Variants in IMPG1 observed in about 807,000 individuals in gnomAD.
IMPG1 encodes interphotoreceptor matrix proteoglycan of 150 kDa.
In IMPG1, 85 loss-of-function variants were observed where a neutral mutation model predicts 92.0. The observed-to-expected ratio is 0.92, with a 90% CI of 0.78 to 1.11. The LOEUF (loss-of-function observed/expected upper bound fraction) is 1.11. Ranked by LOEUF, IMPG1 falls within the 50% of genes least tolerant of loss-of-function variation. The probability of loss-of-function intolerance (pLI) is 0.00; values close to 1 mark genes in which losing one functional copy is unlikely to be tolerated. For missense variants in IMPG1, 1,022 were observed against 956.0 expected (o/e 1.07, Z -0.91); for synonymous variants, 367 against 334.1 (o/e 1.10, Z -1.08).
intron 12 of IMPG1, among the ~76,000 whole-genome samples, chr6:75,978,211 A>G (rs1242186891): frequency 6.6e-6 from 1 of 150,582 alleles, no homozygotes; most frequent in Non-Finnish European, 1.5e-5. Context: ...ATACTCGAAA[A>G]CCTTTCTTTG....
intron 8 of IMPG1, among the ~76,000 whole-genome samples, chr6:76,009,005 C>T (rs1014854056): frequency 6.6e-6 from 1 of 152,132 alleles, no homozygotes; most frequent in Non-Finnish European, 1.5e-5. Context: ...TTTCACTCAA[C>T]GAAGTTATTT....
chr6:75,974,392 T>TTTCTTTCTTTCTTTC (rs1554230326), intron 12 of IMPG1, among the ~76,000 whole-genome samples: 1 of 59,524 alleles, frequency 1.7e-5, no homozygotes, highest in Non-Finnish European at 3.4e-5. Flanking sequence ...TCTTTCTTTC[T>TTTCTTTCTTTCTTTC]TTTCTTTCTT....
chr6:76,022,127 T>C lies in IMPG1; in HGVS notation c.655A>G (p.Met219Val), dbSNP rs1368842652. 6.3e-7 allele frequency: 1 copy of C among 1,576,914 alleles called. No individual in the cohort carries two copies. Among genetic ancestry groups the C allele is most frequent in the East Asian group, 2.3e-5 (1 of 43,676 alleles). ...TAGGAACTTCTTACTGTTGTAGGCA[T>C]CTTGGTGTCGTTGAGTGTATTATCG... ...ILDNTLNDTK[M>V]PTTERETEFA... The change falls in exon 6 of 17, where the codon ATG (methionine) becomes GTG (valine). Residue 219 changes from methionine (M) to valine (V), a missense_variant. By Grantham distance (21) the Met-to-Val change is conservative. Around this residue, in one of 3 missense-constraint regions of IMPG1, gnomAD observed 681 missense variants for 583.6 expected, o/e 1.17. Coordinates refer to ENST00000369950, the MANE Select transcript of IMPG1 (RefSeq NM_001563.4).
chr6:75,948,312 T>C (rs908579167), intron 13 of IMPG1, among the ~76,000 whole-genome samples: 1 of 152,200 alleles, frequency 6.6e-6, no homozygotes, highest in Non-Finnish European at 1.5e-5. Flanking sequence ...TAGAGATCAT[T>C]TTTCAGAAAT....
Position 75,980,975 on chromosome 6 carries a change from C to G in IMPG1, c.1291+21943G>C, listed in dbSNP as rs551155338. ...CCAGAAGTCAGTGTTTTAAGAAGCC[C>G]TCTGGGGGATTCTGATTCATGGAAG... On this transcript the variant is annotated intron_variant, in intron 12 of 16. Transcript: ENST00000369950. Among the ~76,000 whole-genome samples, 18 of 152,246 alleles carry G rather than the reference C, an allele frequency of 1.2e-4. No individual in the cohort carries two copies. In the South Asian group the frequency reaches 1.9e-3, roughly 16 times the overall value.
intron 2 of IMPG1, among the ~76,000 whole-genome samples, chr6:76,035,292 C>T (rs1783721518): frequency 6.6e-6 from 1 of 151,868 alleles, no homozygotes; most frequent in South Asian, 2.1e-4. Flanking sequence ...CACCTGAGGT[C>T]AGGAGTTCAA....
At chr6:76,022,512 C>G (rs1017701285) in intron 5 of IMPG1, among the ~76,000 whole-genome samples, 1 of 152,108 alleles carries the variant, frequency 6.6e-6, no homozygotes, top group African/African-American at 2.4e-5. Flanking sequence ...CTTAATGACA[C>G]TATATAAAGG....
chr6:76,035,705 TCTCTCTAAAGACACAC>T (rs1338618302), intron 2 of IMPG1, among the ~76,000 whole-genome samples: 1 of 152,096 alleles, frequency 6.6e-6, no homozygotes, highest in Non-Finnish European at 1.5e-5. Context: ...CTAAAATTGG[TCTCTCTAAAGACACAC>T]CTCTTTGTTA....
chr6:75,947,586 T>C, intron 13 of IMPG1, 53 bp from the exon 14 acceptor site: 2 of 1,218,366 alleles, frequency 1.6e-6, no homozygotes, highest in Non-Finnish European at 2.4e-6. Context: ...GCTCAGCTGC[T>C]GCTAATTCCA....
chr6:76,030,105 AG>A (rs1191593784), intron 4 of IMPG1, among the ~76,000 whole-genome samples: 1 of 152,180 alleles, frequency 6.6e-6, no homozygotes, highest in Non-Finnish European at 1.5e-5. Context: ...TCATGGATAA[AG>A]GGCATGTTAA....
intron 12 of IMPG1, among the ~76,000 whole-genome samples, chr6:75,966,233 A>T (rs575747134): frequency 2.0e-5 from 3 of 152,280 alleles, no homozygotes; most frequent in Admixed American, 2.0e-4. Context: ...AATCTACTTG[A>T]ATTTTTAAAT....
chr6:75,997,257 G>A (rs892175446), intron 12 of IMPG1, among the ~76,000 whole-genome samples: 9 of 152,150 alleles, frequency 5.9e-5, no homozygotes, highest in Non-Finnish European at 1.3e-4. Flanking sequence ...CTTCTGTTAG[G>A]AAAACCTTGC....
intron 4 of IMPG1, among the ~76,000 whole-genome samples, chr6:76,031,681 G>A (rs1374137368): frequency 6.6e-6 from 1 of 152,064 alleles, no homozygotes. Context: ...TAGACAGTTT[G>A]TTTTTTACTT....
intron 12 of IMPG1, among the ~76,000 whole-genome samples, chr6:75,974,367 C>CTTTCTTTA (rs1782482189): frequency 1.1e-5 from 1 of 92,278 alleles, no homozygotes; most frequent in Non-Finnish European, 2.3e-5. Flanking sequence ...TTCTTTCTTT[C>CTTTCTTTA]TTTCTTTCTT....
intron 1 of IMPG1, among the ~76,000 whole-genome samples, chr6:76,053,706 T>C (rs922216973): frequency 2.6e-5 from 4 of 152,148 alleles, no homozygotes; most frequent in Non-Finnish European, 4.4e-5. Flanking sequence ...GAAGTACTTA[T>C]ATCAGAGTCG....
chr6:75,997,427 G>C (rs948346288), intron 12 of IMPG1, among the ~76,000 whole-genome samples: 2 of 152,150 alleles, frequency 1.3e-5, no homozygotes, highest in African/African-American at 4.8e-5. Flanking sequence ...GATTGAGTTA[G>C]GAAGTGTACA....
intron 1 of IMPG1, among the ~76,000 whole-genome samples, chr6:76,063,406 C>T (rs987052654): frequency 6.6e-6 from 1 of 152,042 alleles, no homozygotes; most frequent in Non-Finnish European, 1.5e-5. Flanking sequence ...AGATGAAACC[C>T]AGAGGGGCTT....
chr6:75,984,137 C>A (rs1163018191), intron 12 of IMPG1, among the ~76,000 whole-genome samples: 2 of 152,078 alleles, frequency 1.3e-5, no homozygotes, highest in Admixed American at 6.6e-5. Flanking sequence ...ATTAGTGTAA[C>A]CATTAAGTAA....
chr6:75,978,767 T>G (rs1782578048), intron 12 of IMPG1, among the ~76,000 whole-genome samples: 1 of 152,202 alleles, frequency 6.6e-6, no homozygotes, highest in African/African-American at 2.4e-5. Flanking sequence ...CTTCCTCAGG[T>G]GATTACAGTA....
Sources: gnomAD v4.1 joint callset for allele counts (sites outside exome capture counted in the v4.1 genomes callset) on GRCh38, gnomAD v4.1.1 for gene constraint, gnomAD v4.1.1 regional missense constraint, MANE v1.5 for transcripts, NCBI Gene and HGNC (gene_info 2026-07-23, HGNC 2026-07-21) for gene names.